Variants in TBX3 observed in about 807,000 individuals in gnomAD.
The protein encoded by TBX3 is T-box transcription factor TBX3.
A neutral mutation model predicts 47.8 loss-of-function variants in TBX3; 11 were observed. The ratio of observed to expected loss-of-function variants is 0.23; its 90% CI spans 0.14 to 0.38. TBX3 has a LOEUF of 0.38. Ranked by LOEUF, TBX3 falls within the 10% of genes least tolerant of loss-of-function variation. TBX3 has a pLI of 1.00. For missense variants in TBX3, 927 were observed against 1,022.8 expected (o/e 0.91, Z 1.28); for synonymous variants, 500 against 449.3 (o/e 1.11, Z -1.43).
chr12:114,683,178 G>A lies in TBX3; in HGVS notation c.23C>T (p.Pro8Leu), dbSNP rs2121160652. 1 of 1,611,814 alleles carries A rather than the reference G, an allele frequency of 6.2e-7. No individual in the cohort carries two copies. Residue 8 changes from proline to leucine, a missense_variant, in exon 1 of 7, where the codon CCG (proline) becomes CTG (leucine). This residue lies in a region of TBX3 where 216 missense variants were observed against 281.2 expected (regional missense o/e 0.77). Transcript: ENST00000349155. This position sits in a 1 kb window ranked among gnomAD's most constrained non-coding sequence, Gnocchi z 7.7. The part of the protein sequence containing the change: MSLSMRD[P>L]VIPGTSMAYH... ...GGCCATGCTTGTCCCAGGAATGACCGGATCTCTCATGGAGAGGCTCATCCA... is the reference window on the plus strand; with the variant it reads ...GGCCATGCTTGTCCCAGGAATGACCAGATCTCTCATGGAGAGGCTCATCCA...
intron 5 of TBX3, among the ~76,000 whole-genome samples, chr12:114,675,913 T>C (rs1379481485): frequency 6.6e-6 from 1 of 152,030 alleles, no homozygotes; most frequent in Non-Finnish European, 1.5e-5. Flanking sequence ...CATTGTAACC[T>C]AGAGTTCAAA....
Position 114,672,068 on chromosome 12 carries a change from G to C in TBX3, c.1945C>G (p.Pro649Ala), listed in dbSNP as rs1465838237. ...AGGGCGGCGACTTTGCCGTCCAGGG[G>C]CCCCGCGGCCGCCGCCATGGAGGGC... ...ALPSMAAAAG[P>A]LDGKVAALAA... The change falls in exon 7 of 7, where the codon CCC (proline) becomes GCC (alanine). Residue 649 changes from proline to alanine, a missense_variant. This residue lies in a region of TBX3 where 623 missense variants were observed against 569.0 expected (regional missense o/e 1.09). Coordinates refer to ENST00000349155, the MANE Select transcript of TBX3 (RefSeq NM_005996.4). 1 of 1,567,590 alleles carries C rather than the reference G, an allele frequency of 6.4e-7. No individual in the cohort carries two copies. The highest frequency in any genetic ancestry group is 8.6e-7 in the Non-Finnish European group (1 of 1,157,106).
chr12:114,682,627 A>G (rs1868985115), intron 1 of TBX3, among the ~76,000 whole-genome samples, 185 bp downstream of exon 1: 1 of 152,040 alleles, frequency 6.6e-6, no homozygotes, highest in East Asian at 1.9e-4. Context: ...ACCCATGCAG[A>G]TGCCCAGGTA....
intron 3 of TBX3, among the ~76,000 whole-genome samples, chr12:114,678,694 T>C (rs1868809760): frequency 6.6e-6 from 1 of 152,196 alleles, no homozygotes; most frequent in African/African-American, 2.4e-5. Flanking sequence ...AGCAGGGGTC[T>C]TCAGTCCCTC....
Position 114,681,130 on chromosome 12 carries a change from A to G in TBX3, c.406T>C (p.Phe136Leu), listed in dbSNP as rs774747599. ...TCCAGCCCAGAACATCTCACTTTAA[A>G]TGGAGGAAACATTCGCCTATAAAAC... ...TKSGRRMFPP[F>L]KVRCSGLDKK... is the part of the protein sequence containing the mutation. Residue 136 changes from phenylalanine (F) to leucine (L), a missense_variant, in exon 2 of 7, where the codon TTT becomes CTT. Around this residue, in one of 5 missense-constraint regions of TBX3, gnomAD observed 216 missense variants for 281.2 expected, o/e 0.77. Coordinates refer to ENST00000349155, the MANE Select transcript of TBX3 (RefSeq NM_005996.4). The G allele has an allele frequency of 6.2e-7, 1 of 1,614,106 alleles. No individual in the cohort carries two copies. The highest frequency in any genetic ancestry group is 1.7e-5 in the Admixed American group (1 of 60,008).
chr12:114,674,689 G>C lies in TBX3; in HGVS notation c.1186C>G (p.Leu396Val). ...TCCCGGGGCCGCTCAGCAGCGAAAA[G>C]GTGAGCCTTGACCGCGGGGCTGCCC... ...DKGSPAVKAH[L>V]FAAERPRDSG... Residue 396 changes from leucine to valine, a missense_variant, in exon 6 of 7, where the codon CTT becomes GTT. Transcript: ENST00000349155. The C allele has an allele frequency of 6.2e-7, 1 of 1,607,096 alleles. No individual in the cohort carries two copies. Among genetic ancestry groups the C allele is most frequent in the South Asian group, 1.1e-5 (1 of 90,650 alleles).
intron 2 of TBX3, 184 bp downstream of exon 2, chr12:114,680,695 G>C: frequency 1.2e-6 from 1 of 867,838 alleles, no homozygotes; most frequent in Non-Finnish European, 1.9e-6. Context: ...ATTTCTTTTA[G>C]AACGCCAGGC....
intron 2 of TBX3, 63 bp from the exon 3 acceptor site, chr12:114,679,714 T>A: frequency 6.2e-7 from 1 of 1,610,896 alleles, no homozygotes; most frequent in Non-Finnish European, 8.5e-7. Context: ...AACGGGATCT[T>A]AGGACCCCTG....
At chr12:114,673,179 C>T (rs1468920731) in intron 6 of TBX3, among the ~76,000 whole-genome samples, 1 of 152,220 alleles carries the variant, frequency 6.6e-6, no homozygotes. Context: ...GAGAAGCCAG[C>T]AGAGGAGATG....
intron 6 of TBX3, among the ~76,000 whole-genome samples, chr12:114,673,262 G>A (rs1262788894): frequency 6.6e-6 from 1 of 152,214 alleles, no homozygotes; most frequent in Non-Finnish European, 1.5e-5. Context: ...AGGCCAATCT[G>A]GTTTCTTGGC....
Position 114,674,912 on chromosome 12 carries a change from G to A in TBX3, c.1040-77C>T, listed in dbSNP as rs548923835. 1.2e-5 allele frequency: 19 copies of A among 1,525,882 alleles called. No homozygotes were observed. In the African/African-American group the frequency reaches 1.4e-4, roughly 11 times the overall value. The allele number at this position is 1,525,882 out of a possible 1,614,324, so 94.5% of individuals were successfully genotyped here. A position where few individuals can be genotyped will look rare whatever the true frequency, so the allele number is the denominator to read the frequency against. ...GAGCCAACGGAACTCCAGTTCCCAAGTTGGAATCCCAGCTCGTGGCTTAGT... is the reference window on the plus strand; with the variant it reads ...GAGCCAACGGAACTCCAGTTCCCAAATTGGAATCCCAGCTCGTGGCTTAGT... On this transcript the variant is annotated intron_variant, in intron 5 of 6. Coordinates refer to ENST00000349155, the MANE Select transcript of TBX3 (RefSeq NM_005996.4).
At position 114,681,060 on chromosome 12, in the gene TBX3, T is replaced by G; in HGVS notation, c.476A>C (p.Asp159Ala). Residue 159 changes from aspartate to alanine, a missense_variant, in exon 2 of 7, where the codon GAT becomes GCT. By Grantham distance (126) the Asp-to-Ala change is moderately radical (BLOSUM62 -2). This residue lies in a region of TBX3 where 216 missense variants were observed against 281.2 expected (regional missense o/e 0.77). Transcript: ENST00000349155. Reference protein sequence around the residue: ...YILLMDIIAADDCRYKFHNSR... With the variant: ...YILLMDIIAAADCRYKFHNSR... Reference sequence around the variant, plus strand: ...ATTGTGAAATTTATAACGACAGTCATCAGCAGCTATAATGTCCATCAATAA... The same window carrying G: ...ATTGTGAAATTTATAACGACAGTCAGCAGCAGCTATAATGTCCATCAATAA... 6.2e-7 allele frequency: 1 copy of G among 1,613,732 alleles called. No homozygotes were observed. The highest frequency in any genetic ancestry group is 8.5e-7 in the Non-Finnish European group (1 of 1,179,988).
intron 6 of TBX3, among the ~76,000 whole-genome samples, 161 bp downstream of exon 6, chr12:114,674,004 T>C (rs1868573043): frequency 6.6e-6 from 1 of 152,162 alleles, no homozygotes; most frequent in Non-Finnish European, 1.5e-5. Context: ...GAGAATGAAG[T>C]CATAATAACT....
At chr12:114,682,148 C>T (rs939885558) in intron 1 of TBX3, among the ~76,000 whole-genome samples, 6 of 152,020 alleles carry the variant, frequency 3.9e-5, no homozygotes, top group Non-Finnish European at 8.8e-5. Flanking sequence ...ATAATATTCA[C>T]ACATTAAAAA....
At position 114,674,177 on chromosome 12, in the gene TBX3, G is replaced by A. The variant is rs1280390520; in HGVS notation, c.1698C>T (p.Val566=). 1 of 1,583,626 alleles carries A rather than the reference G, an allele frequency of 6.3e-7. No homozygotes were observed. Among genetic ancestry groups the A allele is most frequent in the Admixed American group, 1.9e-5 (1 of 53,480 alleles). ...ATLPFHLQQH[V]LASQGLAMSP... is the part of the protein sequence containing the mutation. The stretch of plus-strand genomic sequence containing the variant: ...GAAGGATCCATACCTGAGAGGCCAG[G>A]ACGTGCTGCTGGAGGTGGAAGGGCA... Residue 566 remains valine (V), a synonymous_variant, in exon 6 of 7, where the codon GTC becomes GTT. Coordinates refer to ENST00000349155, the MANE Select transcript of TBX3 (RefSeq NM_005996.4).
In TBX3 at chr12:114,683,099, C is replaced by A; in HGVS notation, c.102G>T (p.Leu34=). Residue 34 remains leucine, a synonymous_variant, in exon 1 of 7, where the codon CTG becomes CTT. Transcript: ENST00000349155. The surrounding 1 kb of genome is among the most constrained non-coding windows in gnomAD (Gnocchi z 7.7). ...RAPDFAMSAV[L]GHQPPFFPAL... ...CGGGGAAGAACGGCGGCTGGTGACC[C>A]AGCACCGCGCTCATGGCGAAGTCCG... is the stretch of plus-strand genomic sequence containing the variant. 1.2e-6 allele frequency: 2 copies of A among 1,612,110 alleles called. No individual in the cohort carries two copies. The highest frequency in any genetic ancestry group is 1.7e-6 in the Non-Finnish European group (2 of 1,179,272).
chr12:114,681,545 G>T (rs148347178), intron 1 of TBX3, among the ~76,000 whole-genome samples: 1 of 152,072 alleles, frequency 6.6e-6, no homozygotes, highest in African/African-American at 2.4e-5. Context: ...TGTAAAGCGC[G>T]GTCAGTTAAG....
At chr12:114,677,746 G>A in intron 3 of TBX3, 90 bp from the exon 4 acceptor site, 3 of 1,204,814 alleles carry the variant, frequency 2.5e-6, no homozygotes, top group Admixed American at 1.7e-5. Context: ...CAAGTCTAGA[G>A]ATGTGACTGC....
At position 114,671,861 on chromosome 12, in the gene TBX3, A is replaced by C. The variant is rs777891705; in HGVS notation, c.2152T>G (p.Ser718Ala). ...CGGGTCTACGGGGACGCGCTGCGGG[A>C]CCTGTCCGGCTTGGCTTCCAAGCCG... ...VSGLEAKPDR[S>A]RSASP The change falls in exon 7 of 7, where the codon TCC (serine) becomes GCC (alanine). Residue 718 changes from serine to alanine, a missense_variant. By Grantham distance (99) the Ser-to-Ala change is moderately conservative (BLOSUM62 1). Around this residue, in one of 5 missense-constraint regions of TBX3, gnomAD observed 623 missense variants for 569.0 expected, o/e 1.09. Coordinates refer to ENST00000349155, the MANE Select transcript of TBX3 (RefSeq NM_005996.4). 2.6e-6 allele frequency: 4 copies of C among 1,558,774 alleles called. No individual in the cohort carries two copies. The highest frequency in any genetic ancestry group is 8.7e-7 in the Non-Finnish European group (1 of 1,152,068).
Sources: gnomAD v4.1 joint callset for allele counts (sites outside exome capture counted in the v4.1 genomes callset) on GRCh38, gnomAD v4.1.1 for gene constraint, gnomAD v4.1.1 regional missense constraint, Gnocchi (gnomAD v3.1) non-coding constraint, MANE v1.5 for transcripts, NCBI Gene and HGNC (gene_info 2026-07-23, HGNC 2026-07-21) for gene names.